MANBA: variants seen among roughly 807,000 people sequenced by gnomAD.
The protein encoded by MANBA is beta-mannosidase.
Under a neutral mutation model 111.1 loss-of-function variants are expected in MANBA, and 83 were observed. The ratio of observed to expected loss-of-function variants is 0.75; its 90% CI spans 0.63 to 0.90. The LOEUF is 0.90. Among genes scored for constraint, MANBA ranks in the 40% least tolerant of loss-of-function variants. The pLI is 0.00. For missense variants in MANBA, 1,036 were observed against 1,069.0 expected (o/e 0.97, Z 0.43); for synonymous variants, 370 against 378.7 (o/e 0.98, Z 0.27).
At chr4:102,700,949 G>C (rs933236018) in intron 5 of MANBA, among the ~76,000 whole-genome samples, 4 of 152,044 alleles carry the variant, frequency 2.6e-5, no homozygotes, top group South Asian at 2.1e-4. Flanking sequence ...GTCTAATGTT[G>C]ACAGTGGGGT....
chr4:102,701,783 G>A (rs1213929342), intron 5 of MANBA, among the ~76,000 whole-genome samples: 4 of 151,838 alleles, frequency 2.6e-5, no homozygotes, highest in African/African-American at 4.8e-5. Flanking sequence ...CTCTCTGGCT[G>A]CCCTTAACAT....
rs1724225776 is a variant in MANBA, at chr4:102,760,933, A to C, written c.-39T>G. 6.5e-7 allele frequency: 1 copy of C among 1,535,916 alleles called. No individual in the cohort carries two copies. The highest frequency in any genetic ancestry group is 1.9e-5 in the Admixed American group (1 of 51,556). ...GCCACCGAGATGTGGAGAGATCGAAAGGCAGCGCTGCAAGGGACCGGCGGT... is the reference window on the plus strand; with the variant it reads ...GCCACCGAGATGTGGAGAGATCGAACGGCAGCGCTGCAAGGGACCGGCGGT... On this transcript the variant is annotated 5_prime_UTR_variant, in exon 1 of 17. Transcript: ENST00000647097.
intron 5 of MANBA, among the ~76,000 whole-genome samples, chr4:102,710,671 T>A (rs979975393): frequency 6.6e-5 from 10 of 152,012 alleles, no homozygotes; most frequent in Non-Finnish European, 1.3e-4. Flanking sequence ...ATCCTACAGT[T>A]CATATGGAAC....
At chr4:102,671,216 A>C (rs1395915577) in intron 9 of MANBA, 65 bp downstream of exon 9, 4 of 1,018,184 alleles carry the variant, frequency 3.9e-6, no homozygotes, top group African/African-American at 1.6e-5. Context: ...CATCATTCAG[A>C]ACATTGGCAG....
Position 102,727,632 on chromosome 4 carries a change from T to C in MANBA, c.178-949A>G. On this transcript the variant is annotated intron_variant, in intron 1 of 16. Coordinates refer to ENST00000647097, the MANE Select transcript of MANBA (RefSeq NM_005908.4). ...ACAGGCCAGTGCCCATGTTGTTGTA[T>C]TCCCATTGTGTTTCACAGTCTTCTC... 6 of 1,534,130 alleles carry C rather than the reference T, an allele frequency of 3.9e-6. No individual in the cohort carries two copies. The Middle Eastern group carries it at 6.4e-4, about 164-fold the overall frequency.
At chr4:102,754,805 T>G (rs975954190) in intron 1 of MANBA, among the ~76,000 whole-genome samples, 28 of 152,152 alleles carry the variant, frequency 1.8e-4, no homozygotes, top group Non-Finnish European at 5.9e-5. Context: ...ATCTGCCGCC[T>G]TGGCCTCCCA....
intron 1 of MANBA, among the ~76,000 whole-genome samples, chr4:102,738,235 T>C (rs144729769): frequency 1.8e-4 from 28 of 152,362 alleles, no homozygotes; most frequent in African/African-American, 6.3e-4. Flanking sequence ...CTGCCTGCAA[T>C]ATCCTGGTTA....
intron 1 of MANBA, chr4:102,730,632 C>T (rs1002880116): frequency 1.1e-5 from 6 of 541,642 alleles, no homozygotes; most frequent in East Asian, 5.3e-5. Flanking sequence ...TGTCTGAGGC[C>T]GCCTCCAGCT....
intron 1 of MANBA, among the ~76,000 whole-genome samples, chr4:102,750,869 C>T (rs749842402): frequency 2.6e-5 from 4 of 151,944 alleles, no homozygotes; most frequent in African/African-American, 7.3e-5. Context: ...GCCATGACCA[C>T]GCCACTGCAC....
chr4:102,670,502 T>C (rs1304646343), intron 9 of MANBA, among the ~76,000 whole-genome samples: 3 of 152,172 alleles, frequency 2.0e-5, no homozygotes, highest in Non-Finnish European at 4.4e-5. Context: ...CAGAATATAT[T>C]TTCTTTGCTT....
chr4:102,723,898 G>T lies in MANBA; in HGVS notation c.342C>A (p.Val114=). Reference sequence around the variant, plus strand: ...ACATATTGTCTGTTTCCCCAATAGTGACTTCATTGAACAGGATTTTTGAAA... The same window carrying T: ...ACATATTGTCTGTTTCCCCAATAGTTACTTCATTGAACAGGATTTTTGAAA... The part of the protein sequence containing the change: ...DTVSKILFNE[V]TIGETDNMFN... Residue 114 remains valine (V), a synonymous_variant, in exon 3 of 17, where the codon GTC becomes GTA. Coordinates refer to ENST00000647097, the MANE Select transcript of MANBA (RefSeq NM_005908.4). 6.2e-7 allele frequency: 1 copy of T among 1,608,996 alleles called. No homozygotes were observed. Among genetic ancestry groups the T allele is most frequent in the South Asian group, 1.1e-5 (1 of 90,820 alleles).
chr4:102,739,992 G>A (rs773878157), intron 1 of MANBA, among the ~76,000 whole-genome samples: 5 of 152,206 alleles, frequency 3.3e-5, no homozygotes, highest in African/African-American at 4.8e-5. Context: ...CAGTAAAGAG[G>A]AAGTAAAACC....
intron 1 of MANBA, chr4:102,727,902 C>T: frequency 1.9e-6 from 1 of 516,550 alleles, no homozygotes; most frequent in South Asian, 1.8e-5. Flanking sequence ...AGGCTTTTCA[C>T]TGCAGAGAAT....
chr4:102,650,740 G>A, intron 12 of MANBA, 39 bp from the exon 13 acceptor site: 7 of 1,561,804 alleles, frequency 4.5e-6, no homozygotes, highest in Non-Finnish European at 6.2e-6. Flanking sequence ...TCTGAAAGTT[G>A]GCAGTAAAAC....
chr4:102,688,796 A>C (rs1732340215), intron 7 of MANBA, among the ~76,000 whole-genome samples: 1 of 152,222 alleles, frequency 6.6e-6, no homozygotes, highest in African/African-American at 2.4e-5. Flanking sequence ...CTGAAAAATC[A>C]GAAAACACCA....
intron 5 of MANBA, among the ~76,000 whole-genome samples, chr4:102,698,779 G>A (rs1395121207): frequency 6.6e-6 from 1 of 151,166 alleles, no homozygotes; most frequent in Non-Finnish European, 1.5e-5. Flanking sequence ...ATAGTTTGAA[G>A]TCAGGTAGTG....
chr4:102,721,478 A>G (rs868563552), intron 4 of MANBA, among the ~76,000 whole-genome samples: 1 of 152,222 alleles, frequency 6.6e-6, no homozygotes, highest in South Asian at 2.1e-4. Flanking sequence ...ACCCATGTTC[A>G]TAGCAGCATT....
chr4:102,646,417 T>C (rs947440390), intron 13 of MANBA, among the ~76,000 whole-genome samples: 1 of 152,052 alleles, frequency 6.6e-6, no homozygotes, highest in African/African-American at 2.4e-5. Flanking sequence ...CTACCTTTTG[T>C]CCTAGTTCTT....
chr4:102,752,335 A>G, intron 1 of MANBA: 1 of 1,361,326 alleles, frequency 7.3e-7, no homozygotes, highest in South Asian at 1.2e-5. Flanking sequence ...AAGCACAGAT[A>G]GGCATACCAG....
Sources: allele counts gnomAD v4.1 joint callset (sites outside exome capture counted in the v4.1 genomes callset), GRCh38; gene constraint gnomAD v4.1.1; transcripts MANE v1.5; gene names NCBI Gene and HGNC (gene_info 2026-07-23, HGNC 2026-07-21).